The following NIBAN1 variants were observed in gnomAD, a reference collection of about 807,000 sequenced individuals.
NIBAN1 encodes protein Niban 1.
Under a neutral mutation model 75.1 loss-of-function variants are expected in NIBAN1, and 81 were observed. The observed-to-expected ratio is 1.08, with a 90% CI of 0.90 to 1.30. NIBAN1 has a LOEUF of 1.30. NIBAN1 is among the 50% of genes most tolerant of loss of function. The pLI is 0.00. For missense variants in NIBAN1, 1,133 were observed against 1,128.1 expected (o/e 1.00, Z -0.06); for synonymous variants, 436 against 424.8 (o/e 1.03, Z -0.32).
rs540946386 is a variant in NIBAN1 at position 184,793,054 on chromosome 1, C to T, written c.*1923G>A. 3.9e-5 allele frequency: 6 copies of T among 152,232 alleles called. No homozygotes were observed. The highest frequency in any genetic ancestry group is 1.4e-4 in the African/African-American group (6 of 41,542). 9.4% of individuals were successfully genotyped at this position (152,232 alleles called of 1,614,324 possible). ...GATTTAAACACGCCAAGAAAAGTTG[C>T]AACAATTAAATATGATATTATACAT... On this transcript the variant is annotated 3_prime_UTR_variant, in exon 14 of 14. Coordinates refer to ENST00000367511, the MANE Select transcript of NIBAN1 (RefSeq NM_052966.4).
At chr1:184,932,756 G>A (rs1009906076) in intron 1 of NIBAN1, among the ~76,000 whole-genome samples, 2 of 152,170 alleles carry the variant, frequency 1.3e-5, no homozygotes, top group African/African-American at 4.8e-5. Flanking sequence ...TATGAATAAT[G>A]TATAACATAA....
intron 1 of NIBAN1, among the ~76,000 whole-genome samples, chr1:184,972,282 AAT>A (rs1390419299): frequency 1.3e-5 from 2 of 152,218 alleles, no homozygotes; most frequent in Non-Finnish European, 2.9e-5. Context: ...TTTTGCTTAC[AAT>A]TGAATCAAAG....
chr1:184,869,531 T>C (rs1656042763), intron 5 of NIBAN1, among the ~76,000 whole-genome samples: 1 of 151,890 alleles, frequency 6.6e-6, no homozygotes, highest in Non-Finnish European at 1.5e-5. Flanking sequence ...TTCACTACTT[T>C]TATTTGCATT....
intron 5 of NIBAN1, among the ~76,000 whole-genome samples, chr1:184,881,229 C>T (rs540518137): frequency 6.6e-6 from 1 of 152,262 alleles, no homozygotes; most frequent in South Asian, 2.1e-4. Context: ...TGGCCCTTAC[C>T]TACCTTAGGA....
intron 5 of NIBAN1, among the ~76,000 whole-genome samples, chr1:184,871,778 C>T (rs781209037): frequency 6.6e-6 from 1 of 152,166 alleles, no homozygotes; most frequent in Admixed American, 6.5e-5. Context: ...AGAAACCACC[C>T]ACATACACAC....
At chr1:184,868,675 T>C (rs1422993380) in intron 5 of NIBAN1, 1 of 152,220 alleles carries the variant, frequency 6.6e-6, no homozygotes, top group Non-Finnish European at 1.5e-5. Flanking sequence ...CCATGTCAAG[T>C]TCAGTAGGAA....
rs1340917693 is a variant in NIBAN1 at position 184,794,878 on chromosome 1, C to T, written c.*99G>A. ...TTTTATTATTCAAATTAAGAAAATA[C>T]TTAAAAATTTTTTGGTAACAGCTTG... is the stretch of plus-strand genomic sequence containing the variant. On this transcript the variant is annotated 3_prime_UTR_variant, in exon 14 of 14. Transcript: ENST00000367511. The T allele has an allele frequency of 1.1e-5, 17 of 1,528,894 alleles. No homozygotes were observed. Among genetic ancestry groups the T allele is most frequent in the Non-Finnish European group, 1.5e-5 (17 of 1,117,078 alleles). The allele number at this position is 1,528,894 out of a possible 1,614,324, so 94.7% of individuals were successfully genotyped here.
intron 1 of NIBAN1, among the ~76,000 whole-genome samples, chr1:184,932,452 G>A (rs1345189181): frequency 3.3e-5 from 5 of 152,130 alleles, no homozygotes; most frequent in East Asian, 1.9e-4. Context: ...AGTAGAGTTC[G>A]TGCTCCTATA....
intron 1 of NIBAN1, among the ~76,000 whole-genome samples, chr1:184,946,588 T>C (rs190903046): frequency 2.6e-5 from 4 of 152,310 alleles, no homozygotes; most frequent in Admixed American, 2.6e-4. Flanking sequence ...TGAAATTTCA[T>C]GATAAAAAAT....
chr1:184,895,963 T>C (rs1275529573), intron 2 of NIBAN1, among the ~76,000 whole-genome samples: 1 of 152,212 alleles, frequency 6.6e-6, no homozygotes, highest in African/African-American at 2.4e-5. Context: ...AATCAACCGC[T>C]GGTGCACACT....
At position 184,947,224 on chromosome 1, in the gene NIBAN1, G is replaced by A. The variant is rs545343324; in HGVS notation, c.55+27078C>T. Among the ~76,000 whole-genome samples, 6 of 152,288 alleles carry A rather than the reference G, an allele frequency of 3.9e-5. No homozygotes were observed. In the South Asian group the frequency reaches 1.2e-3, roughly 32 times the overall value. ...TTTAAGAAGGTTAAGTAGACAAATT[G>A]CATTAGTGATAGAAAGCGATGCTAT... On this transcript the variant is annotated intron_variant, in intron 1 of 13. Coordinates refer to ENST00000367511, the MANE Select transcript of NIBAN1 (RefSeq NM_052966.4).
intron 11 of NIBAN1, among the ~76,000 whole-genome samples, chr1:184,804,415 A>G (rs1654131722): frequency 6.6e-6 from 1 of 152,216 alleles, no homozygotes; most frequent in Non-Finnish European, 1.5e-5. Context: ...GTTATGAATG[A>G]AGGGGGTAGA....
intron 12 of NIBAN1, among the ~76,000 whole-genome samples, chr1:184,802,001 A>C (rs1257428055): frequency 3.3e-5 from 5 of 152,198 alleles, no homozygotes; most frequent in African/African-American, 7.2e-5. Context: ...TTTTTTTCAC[A>C]GTTCCCCAGA....
chr1:184,795,543 G>A lies in NIBAN1; in HGVS notation c.2221C>T (p.Pro741Ser), dbSNP rs192126521. The A allele has an allele frequency of 1.1e-5, 18 of 1,614,120 alleles. 1 individual carries two copies. In the African/African-American group the frequency reaches 2.3e-4, roughly 20 times the overall value. Reference protein sequence around the residue: ...EEDTNGESHVPQENEEEEEKE... With the variant: ...EEDTNGESHVSQENEEEEEKE... ...TCCTCTTCTTCTTCATTTTCTTGGG[G>A]AACGTGGCTCTCCCCATTCGTATCT... Residue 741 changes from proline (P) to serine (S), a missense_variant, in exon 14 of 14, where the codon CCC becomes TCC. Coordinates refer to ENST00000367511, the MANE Select transcript of NIBAN1 (RefSeq NM_052966.4).
At chr1:184,824,885 AGGAGGG>A (rs1654803733) in intron 6 of NIBAN1, among the ~76,000 whole-genome samples, 1 of 152,222 alleles carries the variant, frequency 6.6e-6, no homozygotes, top group African/African-American at 2.4e-5. Context: ...CTTGGCTCCC[AGGAGGG>A]GGATTCCTGG....
chr1:184,959,776 ACT>A (rs1182483968), intron 1 of NIBAN1, among the ~76,000 whole-genome samples: 3 of 152,126 alleles, frequency 2.0e-5, no homozygotes, highest in African/African-American at 7.2e-5. Flanking sequence ...ACTGCTGAAG[ACT>A]CTAACTCATA....
intron 1 of NIBAN1, among the ~76,000 whole-genome samples, chr1:184,936,936 A>T (rs540053887): frequency 6.6e-5 from 10 of 152,264 alleles, no homozygotes; most frequent in African/African-American, 2.4e-4. Flanking sequence ...TAATATAAAG[A>T]TGTTTTCAAG....
intron 5 of NIBAN1, among the ~76,000 whole-genome samples, chr1:184,870,867 C>T (rs188118015): frequency 1.0e-3 from 159 of 152,246 alleles, no homozygotes; most frequent in Middle Eastern, 3.4e-3. Context: ...CTGGCAACAA[C>T]GTAAGACCTG....
chr1:184,968,632 T>C (rs1315820932), intron 1 of NIBAN1, among the ~76,000 whole-genome samples: 1 of 152,204 alleles, frequency 6.6e-6, no homozygotes, highest in African/African-American at 2.4e-5. Flanking sequence ...TCTACTTTCT[T>C]TGGATTACTT....
Sources: gnomAD v4.1 joint callset for allele counts (sites outside exome capture counted in the v4.1 genomes callset) on GRCh38, gnomAD v4.1.1 for gene constraint, MANE v1.5 for transcripts, NCBI Gene and HGNC (gene_info 2026-07-23, HGNC 2026-07-21) for gene names.